Variants in MMP3 observed in about 807,000 individuals in gnomAD.
The protein encoded by MMP3 is stromelysin-1.
A neutral mutation model predicts 47.3 loss-of-function variants in MMP3; 46 were observed. The ratio of observed to expected loss-of-function variants is 0.97; its 90% CI spans 0.77 to 1.24. MMP3 has a LOEUF of 1.24. Ranked by LOEUF, MMP3 falls within the 50% of genes most tolerant of loss-of-function variation. The pLI is 0.00. For synonymous variants in MMP3, 216 were observed against 206.5 expected, an observed-to-expected ratio of 1.05 and a Z score of -0.39; for missense variants, 558 against 565.5, an observed-to-expected ratio of 0.99 and a Z score of 0.13.
intron 3 of MMP3, 58 bp downstream of exon 3, chr11:102,842,373 T>G (rs1388617386): frequency 1.0e-5 from 16 of 1,560,360 alleles, no homozygotes; most frequent in Non-Finnish European, 1.4e-5. Flanking sequence ...AATGGATACA[T>G]TTCATGTGTT....
rs11422799 is a variant in MMP3 at position 102,843,103 on chromosome 11, T to TA, written c.106-188dup. Among the ~76,000 whole-genome samples the TA allele has an allele frequency of 0.44, 65,051 of 149,260 alleles. 14,583 individuals carry two copies. The highest frequency in any genetic ancestry group is 0.61 in the South Asian group (2,907 of 4,728). ...ATATTTAGCTAAAATTACGTTGCAT[T>TA]AAAAAAAAAACTGAAGCTGTTCCAA... On this transcript the variant is annotated intron_variant, in intron 1 of 9. Transcript: ENST00000299855.
At chr11:102,842,054 A>T in intron 4 of MMP3, 100 bp downstream of exon 4, 1 of 1,215,326 alleles carries the variant, frequency 8.2e-7, no homozygotes, top group Non-Finnish European at 1.1e-6. Context: ...TCCACTGGAA[A>T]ATCCAGAACA....
chr11:102,841,529 A>G (rs1307955903), intron 4 of MMP3, among the ~76,000 whole-genome samples: 1 of 152,196 alleles, frequency 6.6e-6, no homozygotes, highest in Non-Finnish European at 1.5e-5. Context: ...AAGTAGTGTT[A>G]ATTGTTTTAG....
intron 1 of MMP3, among the ~76,000 whole-genome samples, 179 bp from the exon 2 acceptor site, chr11:102,843,095 C>T (rs150382735): frequency 9.9e-4 from 123 of 124,644 alleles, no homozygotes; most frequent in Middle Eastern, 3.9e-3. Context: ...GCTAAAATTA[C>T]GTTGCATTAA....
At position 102,840,003 on chromosome 11, in the gene MMP3, C is replaced by T. The variant is rs1027904202; in HGVS notation, c.935+105G>A. ...TAAATGATTCCAAGCTCAGAAGAAA[C>T]GTTTTTGTTTTAAATGTCTAAGAAT... On this transcript the variant is annotated intron_variant, in intron 6 of 9. Transcript: ENST00000299855. 143 of 1,259,192 alleles carry T rather than the reference C, an allele frequency of 1.1e-4. 1 individual carries two copies. Among genetic ancestry groups the T allele is most frequent in the Non-Finnish European group, 5.9e-5 (54 of 917,570 alleles). The allele number at this position is 1,259,192 out of a possible 1,614,324, so 78.0% of individuals were successfully genotyped here. A position where few individuals can be genotyped will look rare whatever the true frequency, so the allele number is the denominator to read the frequency against.
chr11:102,839,987 C>G (rs1555005172), intron 6 of MMP3, 121 bp downstream of exon 6: 1 of 1,142,164 alleles, frequency 8.8e-7, no homozygotes, highest in African/African-American at 1.6e-5. Context: ...CTAAATGATT[C>G]CAAGCTCAGA....
Position 102,836,433 on chromosome 11 carries a change from T to A in MMP3, c.1334-207A>T, listed in dbSNP as rs1858883631. On this transcript the variant is annotated intron_variant, in intron 9 of 9. Coordinates refer to ENST00000299855, the MANE Select transcript of MMP3 (RefSeq NM_002422.5). The surrounding 1 kb of genome is among the most constrained non-coding windows in gnomAD (Gnocchi z 4.6). ...ATGAGGTTGTATGTCTAACTCCATT[T>A]ACAGATTGAGCAAGTTGAGGTTGAG... 6 of 633,024 alleles carry A rather than the reference T, an allele frequency of 9.5e-6. No homozygotes were observed. Among genetic ancestry groups the A allele is most frequent in the Admixed American group, 4.2e-5 (2 of 47,268 alleles). The allele number at this position is 633,024 out of a possible 1,614,324, so 39.2% of individuals were successfully genotyped here.
chr11:102,838,158 AT>A (rs1328223595), intron 8 of MMP3, among the ~76,000 whole-genome samples: 6 of 152,162 alleles, frequency 3.9e-5, no homozygotes, highest in Non-Finnish European at 8.8e-5. Flanking sequence ...CTAAAAGACA[AT>A]GGGAAGGGAA....
intron 4 of MMP3, among the ~76,000 whole-genome samples, chr11:102,841,477 T>G (rs1439545141): frequency 6.6e-6 from 1 of 152,208 alleles, no homozygotes; most frequent in African/African-American, 2.4e-5. Flanking sequence ...AAATCCCAGT[T>G]AAACCTCAGA....
In MMP3 at chr11:102,840,533, G is replaced by T; in HGVS notation, c.686C>A (p.Ser229Ter). ...EIGHSLGLFH[S>*]ANTEALMYPL... The stretch of plus-strand genomic sequence containing the variant: ...GTACATCAAAGCTTCAGTGTTGGCT[G>T]AGTGAAAGAGACCCAGGGAGTGGCC... Residue 229 changes from serine to a stop codon, truncating the protein, a stop_gained, in exon 5 of 10, where the codon TCA becomes TAA. Coordinates refer to ENST00000299855, the MANE Select transcript of MMP3 (RefSeq NM_002422.5). LOFTEE classifies it high-confidence loss of function. 6.2e-7 allele frequency: 1 copy of T among 1,614,066 alleles called. No homozygotes were observed. Among genetic ancestry groups the T allele is most frequent in the Middle Eastern group, 1.7e-4 (1 of 6,056 alleles).
intron 7 of MMP3, 111 bp downstream of exon 7, chr11:102,838,999 G>T (rs1418633664): frequency 1.8e-6 from 2 of 1,141,008 alleles, no homozygotes; most frequent in African/African-American, 3.1e-5. Flanking sequence ...CTTCATTACC[G>T]TTGACTACTG....
chr11:102,838,153 A>G (rs1446585112), intron 8 of MMP3, among the ~76,000 whole-genome samples: 1 of 152,178 alleles, frequency 6.6e-6, no homozygotes, highest in Admixed American at 6.5e-5. Flanking sequence ...CCAAACTAAA[A>G]GACAATGGGA....
At position 102,837,369 on chromosome 11, in the gene MMP3, C is replaced by G. The variant is rs377586699; in HGVS notation, c.1262G>C (p.Gly421Ala). Residue 421 changes from glycine (G) to alanine (A), a missense_variant, in exon 9 of 10, where the codon GGC becomes GCC. By Grantham distance (60) the Gly-to-Ala change is moderately conservative (BLOSUM62 0). Coordinates refer to ENST00000299855, the MANE Select transcript of MMP3 (RefSeq NM_002422.5). The surrounding 1 kb of genome is among the most constrained non-coding windows in gnomAD (Gnocchi z 4.4). The part of the protein sequence containing the change: ...FDEKRNSMEP[G>A]FPKQIAEDFP... ...GTCTTCAGCTATTTGCTTGGGAAAGCCTGGCTCCATGGAATTTCTCTTCTC... is the reference window on the plus strand; with the variant it reads ...GTCTTCAGCTATTTGCTTGGGAAAGGCTGGCTCCATGGAATTTCTCTTCTC... 1.5e-5 allele frequency: 25 copies of G among 1,613,488 alleles called. No individual in the cohort carries two copies. Among genetic ancestry groups the G allele is most frequent in the Non-Finnish European group, 2.1e-5 (25 of 1,179,932 alleles).
chr11:102,842,961 CTATAGCTATCTATT>C (rs1555005860), intron 1 of MMP3, 45 bp from the exon 2 acceptor site: 3 of 1,454,014 alleles, frequency 2.1e-6, no homozygotes, highest in East Asian at 2.3e-5. Context: ...ACAATTTTTA[CTATAGCTATCTATT>C]TATAGTAAGT....
intron 6 of MMP3, among the ~76,000 whole-genome samples, chr11:102,839,704 G>GCTT (rs1858959006): frequency 6.6e-6 from 1 of 152,178 alleles, no homozygotes; most frequent in Admixed American, 6.5e-5. Flanking sequence ...TTTTTAATTT[G>GCTT]CTTCTCATTT....
chr11:102,843,579 C>G lies in MMP3; in HGVS notation c.-33G>C. On this transcript the variant is annotated 5_prime_UTR_variant, in exon 1 of 10. Coordinates refer to ENST00000299855, the MANE Select transcript of MMP3 (RefSeq NM_002422.5). ...GGCTTTACTTAGCTCTATGTTGTCTCTATGCCTTGCTGTCTTGCCTGCCTC... is the reference window on the plus strand; with the variant it reads ...GGCTTTACTTAGCTCTATGTTGTCTGTATGCCTTGCTGTCTTGCCTGCCTC... 2 of 1,559,708 alleles carry G rather than the reference C, an allele frequency of 1.3e-6. No individual in the cohort carries two copies. The highest frequency in any genetic ancestry group is 2.3e-5 in the South Asian group (2 of 87,694).
At chr11:102,839,996 GAAGAAACGTTTTTGTTTTAAATGTCT>G in intron 6 of MMP3, 86 bp downstream of exon 6, 2 of 1,220,828 alleles carry the variant, frequency 1.6e-6, no homozygotes, top group Non-Finnish European at 2.3e-6. Flanking sequence ...TCCAAGCTCA[GAAGAAACGTTTTTGTTTTAAATGTCT>G]AAGAATCTCT....
At position 102,843,450 on chromosome 11, in the gene MMP3, G is replaced by A; in HGVS notation, c.97C>T (p.Leu33Phe). Residue 33 changes from leucine (L) to phenylalanine (F), a missense_variant, in exon 1 of 10, where the codon CTT becomes TTT. By Grantham distance (22) the Leu-to-Phe change is conservative. Coordinates refer to ENST00000299855, the MANE Select transcript of MMP3 (RefSeq NM_002422.5). The stretch of plus-strand genomic sequence containing the variant: ...CAGTTAGTGTTAATTACCTGAACAA[G>A]GTTCATGCTGGTGTCCTCACCCCTT... ...AARGEDTSMNLVQKYLENYYD... is the reference protein window; with the variant it reads ...AARGEDTSMNFVQKYLENYYD... 6.2e-7 allele frequency: 1 copy of A among 1,613,022 alleles called. No individual in the cohort carries two copies. The highest frequency in any genetic ancestry group is 8.5e-7 in the Non-Finnish European group (1 of 1,179,396).
chr11:102,836,606 C>T lies in MMP3; in HGVS notation c.1334-380G>A. On this transcript the variant is annotated intron_variant, in intron 9 of 9. Transcript: ENST00000299855. The surrounding 1 kb of genome is among the most constrained non-coding windows in gnomAD (Gnocchi z 4.6). ...TAAATTCTCCACTTGCTTGGAAACTCTCATCACCTATTTCTTTCTTCCCCA... is the reference window on the plus strand; with the variant it reads ...TAAATTCTCCACTTGCTTGGAAACTTTCATCACCTATTTCTTTCTTCCCCA... 2.1e-6 allele frequency: 1 copy of T among 476,540 alleles called. No homozygotes were observed. The highest frequency in any genetic ancestry group is 1.6e-5 in the South Asian group (1 of 64,296). The allele number at this position is 476,540 out of a possible 1,614,324, so 29.5% of individuals were successfully genotyped here. A position where few individuals can be genotyped will look rare whatever the true frequency, so the allele number is the denominator to read the frequency against.
Sources: allele counts gnomAD v4.1 joint callset (sites outside exome capture counted in the v4.1 genomes callset), GRCh38; gene constraint gnomAD v4.1.1; non-coding constraint Gnocchi (gnomAD v3.1); transcripts MANE v1.5; gene names NCBI Gene and HGNC (gene_info 2026-07-23, HGNC 2026-07-21).